Variants in RERE observed in about 807,000 individuals in gnomAD.
RERE encodes the protein arginine-glutamic acid dipeptide repeats protein.
RERE carries 40 observed loss-of-function variants against 146.1 expected under a neutral mutation model. The ratio of observed to expected loss-of-function variants is 0.27; its 90% CI spans 0.21 to 0.36. The LOEUF is 0.36. RERE is among the 10% of genes least tolerant of loss of function. The pLI, the probability that RERE is intolerant of heterozygous loss-of-function variation, is 1.00. For missense variants in RERE, 1,933 were observed against 2,138.7 expected, an observed-to-expected ratio of 0.90 and a Z score of 1.90; for synonymous variants, 1,003 against 866.0, an observed-to-expected ratio of 1.16 and a Z score of -2.78.
chr1:8,770,573 TAAC>T (rs900045284), intron 1 of RERE, among the ~76,000 whole-genome samples: 8 of 152,130 alleles, frequency 5.3e-5, no homozygotes, highest in African/African-American at 1.7e-4. Flanking sequence ...TAACTATACT[TAAC>T]AATCCATGAA....
intron 10 of RERE, among the ~76,000 whole-genome samples, chr1:8,490,921 C>T (rs1425421350): frequency 1.3e-5 from 2 of 150,416 alleles, no homozygotes; most frequent in South Asian, 2.1e-4. Flanking sequence ...TATCTGAAAA[C>T]CCTCAAATTT....
chr1:8,587,496 C>T lies in RERE; in HGVS notation c.522+27065G>A, dbSNP rs188274933. ...AAACACTGCTTGTTAACTTCACATC[C>T]CTCCCCTCCACCACTAACTCTAACA... On this transcript the variant is annotated intron_variant, in intron 4 of 22. Transcript: ENST00000400908. Among the ~76,000 whole-genome samples, 26 of 152,240 alleles carry T rather than the reference C, an allele frequency of 1.7e-4. No individual in the cohort carries two copies. In the East Asian group the frequency reaches 4.8e-3, roughly 28 times the overall value.
At chr1:8,630,753 C>T (rs1174782130) in intron 2 of RERE, among the ~76,000 whole-genome samples, 4 of 152,132 alleles carry the variant, frequency 2.6e-5, no homozygotes, top group Non-Finnish European at 2.9e-5. Context: ...TATATACACA[C>T]ATACATACAT....
rs1040532834 is a variant in RERE at position 8,490,687 on chromosome 1, T to C, written c.1104+4376A>G. Among the ~76,000 whole-genome samples the C allele has an allele frequency of 4.0e-5, 6 of 150,320 alleles. 1 individual carries two copies. The highest frequency in any genetic ancestry group is 2.0e-4 in the Admixed American group (3 of 15,234). On this transcript the variant is annotated intron_variant, in intron 10 of 22. Transcript: ENST00000400908. ...CCTTATGCCCAAAGAAGTCACACAA[T>C]ATGATTCCATTCCTGTAACATTCCG... is the stretch of plus-strand genomic sequence containing the variant.
At position 8,361,213 on chromosome 1, in the gene RERE, C is replaced by T; in HGVS notation, c.2294G>A (p.Gly765Glu). The T allele has an allele frequency of 3.3e-6, 5 of 1,520,470 alleles. No individual in the cohort carries two copies. Among genetic ancestry groups the T allele is most frequent in the Non-Finnish European group, 3.5e-6 (4 of 1,139,460 alleles). 94.2% of individuals were successfully genotyped at this position (1,520,470 alleles called of 1,614,324 possible). A position where few individuals can be genotyped will look rare whatever the true frequency, so the allele number is the denominator to read the frequency against. Residue 765 changes from glycine (G) to glutamate (E), a missense_variant, in exon 18 of 23, where the codon GGG becomes GAG. Physicochemically the swap from Gly to Glu is moderately conservative, Grantham distance 98. This residue lies in a region of RERE where 1,255 missense variants were observed against 1,153.8 expected (regional missense o/e 1.09). Transcript: ENST00000400908. ...PPGTPQLPTP[G>E]PTPSATAVPP... is the part of the protein sequence containing the mutation. ...AACTGCAGTGGCAGAGGGCGTGGGC[C>T]CTGGCGTGGGCAGCTGAGGGGTCCC...
intron 4 of RERE, among the ~76,000 whole-genome samples, chr1:8,574,813 G>A (rs949156164): frequency 2.0e-5 from 3 of 152,156 alleles, no homozygotes; most frequent in African/African-American, 7.2e-5. Context: ...CCTCTGGAGT[G>A]CACACATTTT....
At chr1:8,495,575 G>T (rs1385742746) in intron 9 of RERE, among the ~76,000 whole-genome samples, 1 of 152,202 alleles carries the variant, frequency 6.6e-6, no homozygotes, top group African/African-American at 2.4e-5. Flanking sequence ...GCCTCCTAAA[G>T]TGCTGGGATT....
intron 1 of RERE, among the ~76,000 whole-genome samples, chr1:8,657,631 G>A (rs1340085284): frequency 5.3e-5 from 8 of 152,178 alleles, no homozygotes; most frequent in Non-Finnish European, 8.8e-5. Context: ...GGGATCACGT[G>A]AGGTCAGAAG....
intron 3 of RERE, among the ~76,000 whole-genome samples, chr1:8,617,340 T>G (rs1473481181): frequency 8.5e-5 from 2 of 23,482 alleles, no homozygotes; most frequent in African/African-American, 1.7e-4. Context: ...TGAAACTCTG[T>G]CTCAAAAAAA....
At chr1:8,499,470 C>A (rs1277886895) in intron 8 of RERE, among the ~76,000 whole-genome samples, 1 of 152,098 alleles carries the variant, frequency 6.6e-6, no homozygotes, top group Non-Finnish European at 1.5e-5. Flanking sequence ...AGAACCGCCC[C>A]ATCCAGGGAA....
intron 1 of RERE, among the ~76,000 whole-genome samples, chr1:8,713,067 TA>T (rs1639699136): frequency 6.6e-6 from 1 of 152,196 alleles, no homozygotes; most frequent in Admixed American, 6.5e-5. Flanking sequence ...AGACTTGTTA[TA>T]AAATCTGAAT....
At chr1:8,795,704 C>G (rs190675536) in intron 1 of RERE, among the ~76,000 whole-genome samples, 1 of 152,092 alleles carries the variant, frequency 6.6e-6, no homozygotes, top group Non-Finnish European at 1.5e-5. Context: ...ATTACATGGC[C>G]GGGCACAGTG....
chr1:8,682,745 T>C (rs1638999270), intron 1 of RERE, among the ~76,000 whole-genome samples: 1 of 152,132 alleles, frequency 6.6e-6, no homozygotes, highest in South Asian at 2.1e-4. Flanking sequence ...AGTACTATAA[T>C]GCAGAATAAA....
intron 3 of RERE, among the ~76,000 whole-genome samples, chr1:8,617,804 T>A (rs1350911152): frequency 6.6e-6 from 1 of 152,192 alleles, no homozygotes. Context: ...AACAATATAA[T>A]GATGCCTAAA....
intron 2 of RERE, among the ~76,000 whole-genome samples, chr1:8,649,713 G>A (rs1647510585): frequency 2.0e-5 from 3 of 149,784 alleles, no homozygotes; most frequent in Admixed American, 6.6e-5. Flanking sequence ...CTGCATGACA[G>A]GGCAAGACTC....
intron 7 of RERE, among the ~76,000 whole-genome samples, chr1:8,530,368 C>A (rs11121198): frequency 6.6e-6 from 1 of 152,120 alleles, no homozygotes; most frequent in Non-Finnish European, 1.5e-5. Flanking sequence ...GATTATGTAC[C>A]TCTATCAAAG....
At chr1:8,642,491 A>G (rs769885534) in intron 2 of RERE, among the ~76,000 whole-genome samples, 10 of 152,254 alleles carry the variant, frequency 6.6e-5, no homozygotes, top group Non-Finnish European at 1.5e-4. Context: ...TAATTAACTT[A>G]TAAGAAGAGT....
At chr1:8,388,363 ACT>A (rs1255737631) in intron 12 of RERE, among the ~76,000 whole-genome samples, 3 of 149,984 alleles carry the variant, frequency 2.0e-5, no homozygotes, top group African/African-American at 4.9e-5. Context: ...CCCAGGCTGG[ACT>A]GCGGACTGCA....
At chr1:8,433,323 A>G (rs1644120468) in intron 11 of RERE, among the ~76,000 whole-genome samples, 1 of 152,222 alleles carries the variant, frequency 6.6e-6, no homozygotes, top group South Asian at 2.1e-4. Flanking sequence ...ACTATTTCCA[A>G]AAAGACATCT....
Sources: gnomAD v4.1 joint callset for allele counts (sites outside exome capture counted in the v4.1 genomes callset) on GRCh38, gnomAD v4.1.1 for gene constraint, gnomAD v4.1.1 regional missense constraint, MANE v1.5 for transcripts, NCBI Gene and HGNC (gene_info 2026-07-23, HGNC 2026-07-21) for gene names.